The following JAM2 variants were observed in gnomAD, a reference collection of about 807,000 sequenced individuals.
The protein encoded by JAM2 is junctional adhesion molecule B.
JAM2 carries 17 observed loss-of-function variants against 42.0 expected under a neutral mutation model. That is an observed-to-expected ratio of 0.40 (90% CI 0.28 to 0.61). JAM2 has a LOEUF of 0.61. Ranked by LOEUF, JAM2 falls within the 20% of genes least tolerant of loss-of-function variation. JAM2 has a pLI of 0.37. For synonymous variants in JAM2, 118 were observed against 128.6 expected, an observed-to-expected ratio of 0.92 and a Z score of 0.56; for missense variants, 319 against 358.3, an observed-to-expected ratio of 0.89 and a Z score of 0.89.
intron 1 of JAM2, among the ~76,000 whole-genome samples, chr21:25,671,383 G>A (rs2033357282): frequency 6.6e-6 from 1 of 152,064 alleles, no homozygotes; most frequent in African/African-American, 2.4e-5. Context: ...CTTGGGCCTT[G>A]GTAAGTACTC....
intron 3 of JAM2, 55 bp from the exon 4 acceptor site, chr21:25,693,701 T>C: frequency 6.9e-7 from 1 of 1,446,352 alleles, no homozygotes; most frequent in Non-Finnish European, 9.6e-7. Flanking sequence ...AGGAAGGTAT[T>C]ACACAGAAAG....
In JAM2 at chr21:25,642,586, G is replaced by A. The variant is rs530283455; in HGVS notation, c.67+2698G>A. Among the ~76,000 whole-genome samples the A allele has an allele frequency of 1.0e-3, 158 of 152,182 alleles. 1 individual carries two copies. The highest frequency in any genetic ancestry group is 3.7e-3 in the African/African-American group (152 of 41,516). On this transcript the variant is annotated intron_variant, in intron 1 of 9. Coordinates refer to ENST00000480456, the MANE Select transcript of JAM2 (RefSeq NM_021219.4). ...TTATATCTTTCTTAGTAGTCTGGAG[G>A]ATTGCTTTTTTGTTGTTGTTCTTGT...
chr21:25,656,335 C>A (rs1230211163), intron 1 of JAM2, among the ~76,000 whole-genome samples: 1 of 152,210 alleles, frequency 6.6e-6, no homozygotes, highest in Non-Finnish European at 1.5e-5. Flanking sequence ...ACATTTGACA[C>A]ATCAACTCAA....
At chr21:25,657,031 G>A (rs1214883300) in intron 1 of JAM2, among the ~76,000 whole-genome samples, 1 of 152,100 alleles carries the variant, frequency 6.6e-6, no homozygotes, top group African/African-American at 2.4e-5. Context: ...CTTTTATAGA[G>A]CAGTTATCCC....
intron 1 of JAM2, among the ~76,000 whole-genome samples, chr21:25,672,056 G>T (rs2033374585): frequency 6.6e-6 from 1 of 152,136 alleles, no homozygotes; most frequent in African/African-American, 2.4e-5. Flanking sequence ...GAGTTTAGTA[G>T]ATGGTAGTGA....
At chr21:25,709,624 T>A in intron 8 of JAM2, 175 bp downstream of exon 8, 1 of 442,010 alleles carries the variant, frequency 2.3e-6, no homozygotes, top group Non-Finnish European at 4.2e-6. Context: ...TGCATTGCTG[T>A]AAGAAAATAC....
intron 6 of JAM2, among the ~76,000 whole-genome samples, chr21:25,705,469 C>G (rs2034252470): frequency 6.6e-6 from 1 of 152,086 alleles, no homozygotes. Flanking sequence ...AATTCCTAGC[C>G]TCAAGCAGTC....
At chr21:25,702,130 T>C (rs755063612) in intron 5 of JAM2, 40 bp from the exon 6 acceptor site, 1 of 1,126,548 alleles carries the variant, frequency 8.9e-7, no homozygotes, top group Non-Finnish European at 1.3e-6. Context: ...TACTTATAGA[T>C]CTATGGCTTA....
At chr21:25,665,559 A>T (rs1184609985) in intron 1 of JAM2, among the ~76,000 whole-genome samples, 1 of 152,172 alleles carries the variant, frequency 6.6e-6, no homozygotes. Flanking sequence ...GAATTGGTTC[A>T]TGTGATTATG....
At chr21:25,666,575 C>T (rs1051152381) in intron 1 of JAM2, among the ~76,000 whole-genome samples, 7 of 152,134 alleles carry the variant, frequency 4.6e-5, no homozygotes, top group African/African-American at 1.7e-4. Flanking sequence ...CTTGCTCTGT[C>T]TCCCAGGCTG....
chr21:25,655,542 G>A (rs908187389), intron 1 of JAM2, among the ~76,000 whole-genome samples: 14 of 147,608 alleles, frequency 9.5e-5, no homozygotes, highest in Admixed American at 1.4e-4. Flanking sequence ...GTGCAGTGGC[G>A]CCATCTCAGC....
At chr21:25,711,849 A>T (rs2034390237) in intron 8 of JAM2, among the ~76,000 whole-genome samples, 1 of 152,166 alleles carries the variant, frequency 6.6e-6, no homozygotes, top group Admixed American at 6.5e-5. Context: ...ATCAAGTAGT[A>T]ATCTGGTGGG....
chr21:25,672,790 C>G (rs1423438585), intron 1 of JAM2, among the ~76,000 whole-genome samples: 1 of 152,170 alleles, frequency 6.6e-6, no homozygotes, highest in Non-Finnish European at 1.5e-5. Context: ...GTTTTGATGT[C>G]TGACATCTTT....
At chr21:25,712,408 AGAATG>A in intron 9 of JAM2, 26 bp downstream of exon 9, 1 of 1,498,560 alleles carries the variant, frequency 6.7e-7, no homozygotes, top group Non-Finnish European at 9.3e-7. Context: ...GCATATTTAT[AGAATG>A]AATATGTTTG....
chr21:25,693,990 T>C, intron 4 of JAM2, 82 bp downstream of exon 4: 1 of 1,337,536 alleles, frequency 7.5e-7, no homozygotes. Flanking sequence ...CACTGGTCCA[T>C]AAACATGCCA....
At chr21:25,683,112 T>C (rs2033674376) in intron 1 of JAM2, among the ~76,000 whole-genome samples, 1 of 151,566 alleles carries the variant, frequency 6.6e-6, no homozygotes, top group Admixed American at 6.6e-5. Flanking sequence ...TCTCCAGGCC[T>C]GAGGGTGGGG....
At chr21:25,655,186 A>T (rs1367445274) in intron 1 of JAM2, among the ~76,000 whole-genome samples, 4 of 152,132 alleles carry the variant, frequency 2.6e-5, no homozygotes. Flanking sequence ...TAAATGTAGT[A>T]AACATGATAA....
chr21:25,649,299 G>T (rs536059657), intron 1 of JAM2, among the ~76,000 whole-genome samples: 10 of 152,162 alleles, frequency 6.6e-5, no homozygotes, highest in African/African-American at 1.9e-4. Context: ...TCTCAGTTTC[G>T]CATGGCTGGG....
rs1319872718 is a variant in JAM2, at chr21:25,690,148, A to T, written c.241+175A>T. On this transcript the variant is annotated intron_variant, in intron 3 of 9. Coordinates refer to ENST00000480456, the MANE Select transcript of JAM2 (RefSeq NM_021219.4). Reference sequence around the variant, plus strand: ...AACACAATAGCCACAAAAGCAGAGAACAGAGGGAGGTGAAGCCCACTGAAT... The same window carrying T: ...AACACAATAGCCACAAAAGCAGAGATCAGAGGGAGGTGAAGCCCACTGAAT... 4.6e-5 allele frequency among the ~76,000 whole-genome samples: 7 copies of T among 152,362 alleles called. No homozygotes were observed. The South Asian group carries it at 1.2e-3, about 27-fold the overall frequency.
Sources: allele counts gnomAD v4.1 joint callset (sites outside exome capture counted in the v4.1 genomes callset), GRCh38; gene constraint gnomAD v4.1.1; transcripts MANE v1.5; gene names NCBI Gene and HGNC (gene_info 2026-07-23, HGNC 2026-07-21).